The following TDRD12 variants were observed in gnomAD, a reference collection of about 807,000 sequenced individuals.
TDRD12 encodes putative ATP-dependent RNA helicase TDRD12.
TDRD12 carries 158 observed loss-of-function variants against 133.5 expected under a neutral mutation model. The ratio of observed to expected loss-of-function variants is 1.18; its 90% CI spans 1.04 to 1.35. The LOEUF is 1.35. TDRD12 is among the 40% of genes most tolerant of loss of function. The pLI is 0.00. For synonymous variants in TDRD12, 460 were observed against 477.9 expected (o/e 0.96, Z 0.49); for missense variants, 1,443 against 1,321.3 (o/e 1.09, Z -1.43).
intron 8 of TDRD12, among the ~76,000 whole-genome samples, chr19:32,769,581 A>G (rs568496268): frequency 4.6e-5 from 7 of 151,808 alleles, no homozygotes; most frequent in South Asian, 2.1e-4. Context: ...TTGCATTTGC[A>G]TTTCTCTTAT....
chr19:32,733,285 A>G (rs947152810), intron 2 of TDRD12, among the ~76,000 whole-genome samples: 1 of 152,122 alleles, frequency 6.6e-6, no homozygotes, highest in African/African-American at 2.4e-5. Context: ...CCTGGCCAAC[A>G]TAGTGAAACC....
chr19:32,787,150 T>C (rs1238158703), intron 11 of TDRD12, among the ~76,000 whole-genome samples: 4 of 152,156 alleles, frequency 2.6e-5, no homozygotes, highest in Non-Finnish European at 4.4e-5. Flanking sequence ...GCTATTCCTT[T>C]CTGTTTGGTA....
chr19:32,792,650 C>T (rs1003890928), intron 13 of TDRD12, among the ~76,000 whole-genome samples: 1 of 152,140 alleles, frequency 6.6e-6, no homozygotes, highest in Non-Finnish European at 1.5e-5. Flanking sequence ...GATGATAGGA[C>T]ATTTTCTGAA....
intron 11 of TDRD12, among the ~76,000 whole-genome samples, 157 bp downstream of exon 11, chr19:32,777,386 T>G (rs574260997): frequency 6.6e-6 from 1 of 152,230 alleles, no homozygotes; most frequent in Non-Finnish European, 1.5e-5. Context: ...AGGTTAATTT[T>G]TGCTTTTCCA....
intron 7 of TDRD12, among the ~76,000 whole-genome samples, chr19:32,756,387 C>T (rs1267715975): frequency 1.3e-5 from 2 of 148,462 alleles, no homozygotes; most frequent in East Asian, 4.0e-4. Context: ...AAACTGCCCT[C>T]GATTTCTGTT....
At chr19:32,778,819 C>T (rs1970682038) in intron 11 of TDRD12, among the ~76,000 whole-genome samples, 1 of 152,160 alleles carries the variant, frequency 6.6e-6, no homozygotes, top group Non-Finnish European at 1.5e-5. Flanking sequence ...ACATTCTATT[C>T]CCTTTTATTT....
intron 10 of TDRD12, among the ~76,000 whole-genome samples, chr19:32,775,205 C>T (rs1004575748): frequency 6.6e-6 from 1 of 152,148 alleles, no homozygotes; most frequent in African/African-American, 2.4e-5. Context: ...AGGCTCTGTT[C>T]ATTTTTTCAG....
At chr19:32,811,111 T>A (rs944866462) in intron 23 of TDRD12, 99 bp from the exon 24 acceptor site, 1 of 940,706 alleles carries the variant, frequency 1.1e-6, no homozygotes, top group East Asian at 2.7e-5. Flanking sequence ...TCATGGCGTT[T>A]TGGAGTCTTT....
At chr19:32,752,217 T>G (rs1466815006) in intron 6 of TDRD12, among the ~76,000 whole-genome samples, 1 of 151,746 alleles carries the variant, frequency 6.6e-6, no homozygotes, top group Non-Finnish European at 1.5e-5. Context: ...TTCATTCTTG[T>G]TGCCCAGGCT....
Position 32,794,750 on chromosome 19 carries a change from C to T in TDRD12, c.1410C>T (p.Leu470=), listed in dbSNP as rs568949357. Residue 470 remains leucine, a synonymous_variant, in exon 14 of 28, where the codon CTC becomes CTT. Transcript: ENST00000444215. ...GTGAAAGCAACCCTTTGCTCTACCTCCTACCAGTGTTGACAGTTTTGCAAA... is the reference window on the plus strand; with the variant it reads ...GTGAAAGCAACCCTTTGCTCTACCTTCTACCAGTGTTGACAGTTTTGCAAA... The T allele has an allele frequency of 8.4e-4, 593 of 703,442 alleles. 2 individuals carry two copies. Among genetic ancestry groups the T allele is most frequent in the Non-Finnish European group, 1.3e-3 (502 of 385,090 alleles). 43.6% of individuals were successfully genotyped at this position (703,442 alleles called of 1,614,324 possible). A position where few individuals can be genotyped will look rare whatever the true frequency, so the allele number is the denominator to read the frequency against.
downstream of TDRD12, chr19:32,821,271 T>C (rs942129704): frequency 7.4e-6 from 6 of 814,430 alleles, no homozygotes; most frequent in Non-Finnish European, 1.1e-5. Context: ...TAACTGTTCT[T>C]ATTTTTGACA....
At chr19:32,742,727 G>T in intron 3 of TDRD12, 54 bp from the exon 4 acceptor site, 1 of 1,493,178 alleles carries the variant, frequency 6.7e-7, no homozygotes, top group Non-Finnish European at 9.0e-7. Context: ...CTTTAACGGA[G>T]TATGTTATAT....
intron 27 of TDRD12, among the ~76,000 whole-genome samples, chr19:32,819,451 A>G (rs982553797): frequency 6.6e-6 from 1 of 152,198 alleles, no homozygotes; most frequent in Non-Finnish European, 1.5e-5. Context: ...AAAATTTCCC[A>G]TACTTTTAAG....
intron 11 of TDRD12, among the ~76,000 whole-genome samples, chr19:32,785,459 G>A (rs1353429449): frequency 5.9e-5 from 9 of 152,194 alleles, no homozygotes; most frequent in African/African-American, 2.2e-4. Flanking sequence ...GGAGAGTTCT[G>A]TAGATGTCTA....
At chr19:32,817,579 AC>A (rs749372524) in intron 26 of TDRD12, among the ~76,000 whole-genome samples, 43 of 151,156 alleles carry the variant, frequency 2.8e-4, no homozygotes, top group Non-Finnish European at 5.3e-4. Flanking sequence ...GTGTACAAAT[AC>A]CTGTTTGAGC....
chr19:32,774,119 T>A (rs1394982703), intron 10 of TDRD12, among the ~76,000 whole-genome samples: 1 of 152,234 alleles, frequency 6.6e-6, no homozygotes, highest in Non-Finnish European at 1.5e-5. Flanking sequence ...GTCAGTGACG[T>A]TAACAAAATT....
exon 23 of TDRD12, chr19:32,810,099 C>T: frequency 2.0e-6 from 3 of 1,517,624 alleles, no homozygotes; most frequent in Non-Finnish European, 2.6e-6. Flanking sequence ...TCAGATAATA[C>T]CTTTTTATAT....
chr19:32,813,870 A>G (rs927969941), intron 25 of TDRD12, 94 bp downstream of exon 25: 8 of 720,058 alleles, frequency 1.1e-5, no homozygotes, highest in Admixed American at 1.1e-4. Context: ...TAACTGCTGC[A>G]TAGAAACGGT....
At chr19:32,815,172 T>G (rs1252456990) in intron 25 of TDRD12, among the ~76,000 whole-genome samples, 1 of 108,984 alleles carries the variant, frequency 9.2e-6, no homozygotes, top group Non-Finnish European at 2.0e-5. Context: ...TGCAATTTGG[T>G]CTTGACTAGG....
Sources: gnomAD v4.1 joint callset for allele counts (sites outside exome capture counted in the v4.1 genomes callset) on GRCh38, gnomAD v4.1.1 for gene constraint, MANE v1.5 for transcripts, NCBI Gene and HGNC (gene_info 2026-07-23, HGNC 2026-07-21) for gene names.